Variants in RNF150 observed in about 807,000 individuals in gnomAD.
RNF150 encodes ring finger protein 150.
RNF150 carries 24 observed loss-of-function variants against 39.3 expected under a neutral mutation model. The observed-to-expected ratio is 0.61, with a 90% CI of 0.44 to 0.86. The LOEUF is 0.86. Ranked by LOEUF, RNF150 falls within the 40% of genes least tolerant of loss-of-function variation. The pLI is 0.00. For synonymous variants in RNF150, 255 were observed against 227.3 expected, an observed-to-expected ratio of 1.12 and a Z score of -1.10; for missense variants, 502 against 587.8, an observed-to-expected ratio of 0.85 and a Z score of 1.51.
chr4:140,992,082 G>A (rs1343895918), intron 1 of RNF150, among the ~76,000 whole-genome samples: 1 of 152,122 alleles, frequency 6.6e-6, no homozygotes, highest in Non-Finnish European at 1.5e-5. Flanking sequence ...ACTAACCTGA[G>A]TTGTCTTTAT....
intron 1 of RNF150, among the ~76,000 whole-genome samples, chr4:141,023,676 T>C (rs1036475013): frequency 1.3e-5 from 2 of 152,200 alleles, no homozygotes; most frequent in Admixed American, 6.5e-5. Context: ...AAAATCTAGC[T>C]TGTATTTTAT....
chr4:141,026,927 G>C (rs1437122977), intron 1 of RNF150, among the ~76,000 whole-genome samples: 1 of 152,204 alleles, frequency 6.6e-6, no homozygotes, highest in East Asian at 1.9e-4. Flanking sequence ...ACCTGAGCAG[G>C]GGGAGTGAGG....
intron 1 of RNF150, among the ~76,000 whole-genome samples, chr4:141,140,544 TA>T (rs1399842963): frequency 2.6e-5 from 4 of 152,234 alleles, no homozygotes; most frequent in African/African-American, 9.6e-5. Context: ...TTTTTTGTTC[TA>T]AATCATTACT....
intron 6 of RNF150, among the ~76,000 whole-genome samples, chr4:140,891,485 G>A (rs548939104): frequency 3.6e-4 from 55 of 152,240 alleles, no homozygotes; most frequent in African/African-American, 9.9e-4. Flanking sequence ...TAGTGGTGAT[G>A]AGAAAATTGA....
intron 1 of RNF150, among the ~76,000 whole-genome samples, chr4:141,092,363 C>T (rs1006818137): frequency 1.3e-5 from 2 of 151,502 alleles, no homozygotes; most frequent in African/African-American, 4.8e-5. Context: ...AAGGAAAAAA[C>T]TCTCAGATCT....
intron 5 of RNF150, among the ~76,000 whole-genome samples, chr4:140,918,079 A>G (rs1297132778): frequency 6.6e-6 from 1 of 152,136 alleles, no homozygotes; most frequent in Non-Finnish European, 1.5e-5. Context: ...AATGCCCACA[A>G]GAGAAAGCAG....
At chr4:141,097,877 T>C (rs1403612812) in intron 1 of RNF150, among the ~76,000 whole-genome samples, 3 of 152,200 alleles carry the variant, frequency 2.0e-5, no homozygotes, top group Admixed American at 6.5e-5. Flanking sequence ...TCTCAGTTTA[T>C]CCATCATTTT....
At chr4:141,031,415 A>G (rs1735939967) in intron 1 of RNF150, among the ~76,000 whole-genome samples, 1 of 152,244 alleles carries the variant, frequency 6.6e-6, no homozygotes, top group Admixed American at 6.5e-5. Context: ...GAATTGCATC[A>G]AAGTAAAAAG....
At chr4:140,979,411 G>C (rs1382690415) in intron 1 of RNF150, among the ~76,000 whole-genome samples, 1 of 151,968 alleles carries the variant, frequency 6.6e-6, no homozygotes, top group African/African-American at 2.4e-5. Context: ...ATTAAACCTT[G>C]AAGCTTCAGG....
intron 1 of RNF150, among the ~76,000 whole-genome samples, chr4:141,027,944 T>G (rs112838112): frequency 0.1 from 13,597 of 133,050 alleles, 1,354 homozygotes; most frequent in South Asian, 0.36. Flanking sequence ...TTTTTTTTTT[T>G]TTTTTTTTCA....
At position 140,874,588 on chromosome 4, in the gene RNF150, C is replaced by T. The variant is rs144178431; in HGVS notation, c.1199-6209G>A. On this transcript the variant is annotated intron_variant, in intron 6 of 6. Coordinates refer to ENST00000515673, the MANE Select transcript of RNF150 (RefSeq NM_020724.2). The stretch of plus-strand genomic sequence containing the variant: ...GCTTTATTTTTTTGAGACTGGGTTT[C>T]GCTCTCTCGCCCAGGCTGGAGCTTA... Among the ~76,000 whole-genome samples the T allele has an allele frequency of 4.4e-3, 664 of 152,202 alleles. 5 individuals are homozygous for T. Among genetic ancestry groups the T allele is most frequent in the African/African-American group, 0.015 (639 of 41,534 alleles).
chr4:140,941,649 A>G (rs545155243), intron 4 of RNF150, among the ~76,000 whole-genome samples: 1 of 152,308 alleles, frequency 6.6e-6, no homozygotes, highest in African/African-American at 2.4e-5. Context: ...GAATACTTAA[A>G]GAGCACGAGT....
intron 2 of RNF150, among the ~76,000 whole-genome samples, chr4:140,961,935 C>T (rs1161586164): frequency 6.6e-6 from 1 of 151,978 alleles, no homozygotes; most frequent in African/African-American, 2.4e-5. Flanking sequence ...GAAGTCATTA[C>T]TCAACTAATT....
At chr4:141,181,481 A>T (rs553505457) in intron 1 of RNF150, among the ~76,000 whole-genome samples, 1 of 152,302 alleles carries the variant, frequency 6.6e-6, no homozygotes, top group African/African-American at 2.4e-5. Context: ...TTTGAAATTC[A>T]TTTATTTGAT....
chr4:141,016,337 T>C (rs1375943483), intron 1 of RNF150, among the ~76,000 whole-genome samples: 2 of 152,196 alleles, frequency 1.3e-5, no homozygotes, highest in African/African-American at 4.8e-5. Flanking sequence ...CACACCCACT[T>C]GCACCAAGAC....
chr4:141,027,173 A>C (rs1164792679), intron 1 of RNF150, among the ~76,000 whole-genome samples: 2 of 152,196 alleles, frequency 1.3e-5, no homozygotes, highest in Non-Finnish European at 2.9e-5. Flanking sequence ...CAACTGAAGA[A>C]GGAAAAACGT....
At chr4:141,013,895 G>A (rs1025828894) in intron 1 of RNF150, among the ~76,000 whole-genome samples, 2 of 152,044 alleles carry the variant, frequency 1.3e-5, no homozygotes, top group African/African-American at 4.8e-5. Context: ...AATGACTATA[G>A]TCACTGTGCT....
intron 6 of RNF150, among the ~76,000 whole-genome samples, chr4:140,893,498 C>G (rs1729831600): frequency 6.6e-6 from 1 of 152,234 alleles, no homozygotes; most frequent in South Asian, 2.1e-4. Flanking sequence ...AAGACCTAGA[C>G]TGAGCAGCGA....
chr4:140,955,160 T>C (rs904768679), intron 2 of RNF150, among the ~76,000 whole-genome samples: 7 of 152,214 alleles, frequency 4.6e-5, no homozygotes, highest in Non-Finnish European at 7.3e-5. Flanking sequence ...CTGGTTGATA[T>C]GATAGAAGTC....
Sources: allele counts gnomAD v4.1 joint callset (sites outside exome capture counted in the v4.1 genomes callset), GRCh38; gene constraint gnomAD v4.1.1; transcripts MANE v1.5; gene names NCBI Gene and HGNC (gene_info 2026-07-23, HGNC 2026-07-21).